Variants in MAP2K1 observed in about 807,000 individuals in gnomAD.
MAP2K1 encodes dual specificity mitogen-activated protein kinase kinase 1.
MAP2K1 carries 16 observed loss-of-function variants against 46.3 expected under a neutral mutation model. The ratio of observed to expected loss-of-function variants is 0.35; its 90% CI spans 0.23 to 0.52. The LOEUF is 0.52. Among genes scored for constraint, MAP2K1 ranks in the 20% least tolerant of loss-of-function variants. MAP2K1 has a pLI of 0.94. For synonymous variants in MAP2K1, 183 were observed against 185.6 expected, an observed-to-expected ratio of 0.99 and a Z score of 0.11; for missense variants, 263 against 497.1, an observed-to-expected ratio of 0.53 and a Z score of 4.48.
intron 7 of MAP2K1, among the ~76,000 whole-genome samples, chr15:66,486,688 G>A (rs899805224): frequency 6.6e-6 from 1 of 152,126 alleles, no homozygotes; most frequent in Non-Finnish European, 1.5e-5. Context: ...TGTAGCTCCT[G>A]TCTGGCCAGG....
chr15:66,431,108 G>A (rs1193242863), intron 1 of MAP2K1, among the ~76,000 whole-genome samples: 1 of 152,182 alleles, frequency 6.6e-6, no homozygotes. Flanking sequence ...TTGTGCTGCA[G>A]CTCCAGTTTT....
intron 1 of MAP2K1, among the ~76,000 whole-genome samples, chr15:66,392,922 A>C (rs1358317546): frequency 6.6e-6 from 1 of 151,850 alleles, no homozygotes. Context: ...TGTCTAGTTC[A>C]TTATTTCTCT....
chr15:66,487,602 C>CA (rs753647940), intron 8 of MAP2K1, among the ~76,000 whole-genome samples: 98 of 146,974 alleles, frequency 6.7e-4, no homozygotes, highest in Non-Finnish European at 1.2e-3. Flanking sequence ...CAAAACAAAA[C>CA]AAAAAAACAA....
intron 5 of MAP2K1, among the ~76,000 whole-genome samples, chr15:66,471,231 A>G (rs1892626082): frequency 6.6e-6 from 1 of 152,150 alleles, no homozygotes; most frequent in African/African-American, 2.4e-5. Flanking sequence ...CCAGGCTGAG[A>G]AGGAATCTGA....
chr15:66,387,999 C>G, intron 1 of MAP2K1, among the ~76,000 whole-genome samples: 1 of 152,190 alleles, frequency 6.6e-6, no homozygotes, highest in Non-Finnish European at 1.5e-5. Flanking sequence ...GTTCCTGGTA[C>G]TTGGCCTTCC....
At chr15:66,489,816 C>G in intron 10 of MAP2K1, 53 bp downstream of exon 10, 2 of 1,441,672 alleles carry the variant, frequency 1.4e-6, no homozygotes, top group Non-Finnish European at 2.0e-6. Context: ...ATTTGTTCTT[C>G]TCTGTCAGTC....
intron 9 of MAP2K1, 130 bp from the exon 10 acceptor site, chr15:66,489,588 A>C (rs1893170705): frequency 1.2e-6 from 1 of 812,686 alleles, no homozygotes; most frequent in Non-Finnish European, 2.2e-6. Flanking sequence ...CTGTGCTTAG[A>C]ACAGGAGGAT....
chr15:66,444,482 G>A (rs1252383511), intron 4 of MAP2K1, among the ~76,000 whole-genome samples, 174 bp from the exon 5 acceptor site: 1 of 152,152 alleles, frequency 6.6e-6, no homozygotes, highest in Non-Finnish European at 1.5e-5. Flanking sequence ...GTGGTGAGCC[G>A]AGATCGCGCC....
intron 5 of MAP2K1, among the ~76,000 whole-genome samples, chr15:66,481,324 T>C (rs925770369): frequency 2.0e-5 from 3 of 152,200 alleles, no homozygotes; most frequent in Non-Finnish European, 4.4e-5. Context: ...TTCTAGCCTG[T>C]GTAGCCTCAG....
chr15:66,402,792 T>C (rs964517405), intron 1 of MAP2K1, among the ~76,000 whole-genome samples: 3 of 152,228 alleles, frequency 2.0e-5, no homozygotes, highest in African/African-American at 7.2e-5. Context: ...TATGCATTTG[T>C]AGATTTACTA....
At chr15:66,475,703 A>G (rs1415303673) in intron 5 of MAP2K1, among the ~76,000 whole-genome samples, 1 of 152,172 alleles carries the variant, frequency 6.6e-6, no homozygotes, top group African/African-American at 2.4e-5. Context: ...CTATCATCTG[A>G]TGGGTGGCAC....
chr15:66,448,162 A>AAAC, intron 5 of MAP2K1, among the ~76,000 whole-genome samples: 2 of 148,770 alleles, frequency 1.3e-5, no homozygotes, highest in East Asian at 3.9e-4. Context: ...CAAAAAAAAA[A>AAAC]AAAAAAAAAA....
chr15:66,464,135 T>G (rs1892401016), intron 5 of MAP2K1, among the ~76,000 whole-genome samples: 1 of 152,188 alleles, frequency 6.6e-6, no homozygotes, highest in Non-Finnish European at 1.5e-5. Context: ...TGAGAAAGCA[T>G]TTTAGAAGAA....
At chr15:66,481,259 G>A (rs964984062) in intron 5 of MAP2K1, among the ~76,000 whole-genome samples, 1 of 152,110 alleles carries the variant, frequency 6.6e-6, no homozygotes, top group African/African-American at 2.4e-5. Flanking sequence ...AGACCCACAT[G>A]CTCCATGCCT....
intron 1 of MAP2K1, among the ~76,000 whole-genome samples, chr15:66,421,967 A>G (rs977010602): frequency 2.0e-5 from 3 of 151,318 alleles, no homozygotes; most frequent in Admixed American, 2.0e-4. Flanking sequence ...ACTCTAGCAT[A>G]TCCTCAACTA....
At chr15:66,392,254 G>GTTTTTTTTTTTTTTTTT (rs374203054) in intron 1 of MAP2K1, among the ~76,000 whole-genome samples, 12 of 79,674 alleles carry the variant, frequency 1.5e-4, no homozygotes, top group East Asian at 1.0e-3. Flanking sequence ...GTTTTTTTTG[G>GTTTTTTTTTTTTTTTTT]GTTTTTTTTT....
intron 5 of MAP2K1, among the ~76,000 whole-genome samples, chr15:66,480,968 T>G (rs1459400101): frequency 2.0e-5 from 3 of 152,114 alleles, no homozygotes; most frequent in Non-Finnish European, 2.9e-5. Flanking sequence ...GTTTGGAAAT[T>G]TAGGTCTCTG....
At chr15:66,430,224 C>T (rs555929749) in intron 1 of MAP2K1, among the ~76,000 whole-genome samples, 1 of 152,210 alleles carries the variant, frequency 6.6e-6, no homozygotes, top group South Asian at 2.1e-4. Flanking sequence ...GACTTGTTTC[C>T]TACCCTGGTA....
At chr15:66,423,066 ATT>A (rs1299547159) in intron 1 of MAP2K1, among the ~76,000 whole-genome samples, 1 of 151,682 alleles carries the variant, frequency 6.6e-6, no homozygotes, top group African/African-American at 2.4e-5. Context: ...CTCCCAAAAT[ATT>A]GGTATTACAA....
Sources: allele counts gnomAD v4.1 joint callset (sites outside exome capture counted in the v4.1 genomes callset), GRCh38; gene constraint gnomAD v4.1.1; transcripts MANE v1.5; gene names NCBI Gene and HGNC (gene_info 2026-07-23, HGNC 2026-07-21).